Variants in RNLS observed in about 807,000 individuals in gnomAD.
RNLS encodes renalase.
RNLS carries 39 observed loss-of-function variants against 39.8 expected under a neutral mutation model. The observed-to-expected ratio is 0.98, with a 90% confidence interval of 0.76 to 1.28. The LOEUF (loss-of-function observed/expected upper bound fraction) is 1.28. RNLS is among the 50% of genes most tolerant of loss of function. The pLI is 0.00. For missense variants in RNLS, 410 were observed against 413.3 expected (o/e 0.99, Z 0.07); for synonymous variants, 147 against 150.7 (o/e 0.98, Z 0.18).
chr10:88,341,167 T>G (rs1294068210), intron 5 of RNLS, among the ~76,000 whole-genome samples: 1 of 150,458 alleles, frequency 6.6e-6, no homozygotes, highest in East Asian at 1.9e-4. Context: ...CTGCCTCTAC[T>G]AAAAATACAA....
At chr10:88,497,760 TA>T (rs1240028807) in intron 4 of RNLS, among the ~76,000 whole-genome samples, 1 of 151,882 alleles carries the variant, frequency 6.6e-6, no homozygotes. Context: ...CTTAAGCCAA[TA>T]AAAGTTCTGG....
intron 5 of RNLS, among the ~76,000 whole-genome samples, chr10:88,352,183 C>A (rs1192681014): frequency 6.6e-6 from 1 of 152,050 alleles, no homozygotes; most frequent in African/African-American, 2.4e-5. Flanking sequence ...TAATTGAATA[C>A]CCTTTATTTC....
the RNLS span, among the ~76,000 whole-genome samples, chr10:88,219,606 G>A: frequency 6.6e-6 from 1 of 152,042 alleles, no homozygotes; most frequent in East Asian, 1.9e-4. Context: ...CCCTCCCTTA[G>A]TCATATGGTT....
rs552931842 is a variant in RNLS, at chr10:88,464,478, C to G, written c.527-101753G>C. Among the ~76,000 whole-genome samples, 15 of 152,190 alleles carry G rather than the reference C, an allele frequency of 9.9e-5. No homozygotes were observed. In the East Asian group the frequency reaches 2.3e-3, roughly 23 times the overall value. ...CCAGAAAAATCACTTGGAAGCAGAG[C>G]ATACCTACATGAGCAAGTTGTACTA... On this transcript the variant is annotated intron_variant, in intron 4 of 6. Coordinates refer to ENST00000331772, the MANE Select transcript of RNLS (RefSeq NM_001031709.3).
the RNLS span, among the ~76,000 whole-genome samples, chr10:88,200,275 G>T: frequency 2.5e-4 from 38 of 152,306 alleles, no homozygotes; most frequent in South Asian, 4.1e-4. Context: ...ATGTGGTAAA[G>T]GTAGTAATAA....
At chr10:88,322,345 T>C (rs1191349101) in intron 5 of RNLS, among the ~76,000 whole-genome samples, 2 of 152,064 alleles carry the variant, frequency 1.3e-5, no homozygotes, top group Non-Finnish European at 2.9e-5. Context: ...TGGTGAAAAA[T>C]TGAAAGCATT....
chr10:88,583,278 G>A lies in RNLS; in HGVS notation c.-88C>T, dbSNP rs1042094311. On this transcript the variant is annotated 5_prime_UTR_variant, in exon 1 of 7. Coordinates refer to ENST00000331772, the MANE Select transcript of RNLS (RefSeq NM_001031709.3). Reference sequence around the variant, plus strand: ...TGGAAAGGCGGCCGAACCGGCGCTAGCGCTCTTTGGTTCCGTGCTCCCTGG... The same window carrying A: ...TGGAAAGGCGGCCGAACCGGCGCTAACGCTCTTTGGTTCCGTGCTCCCTGG... The A allele has an allele frequency of 1.9e-6, 3 of 1,563,380 alleles. No individual in the cohort carries two copies. The highest frequency in any genetic ancestry group is 1.4e-5 in the African/African-American group (1 of 73,856).
rs563941581 is a variant in RNLS at position 88,472,474 on chromosome 10, G to A, written c.526+100429C>T. ...AAGCAGCACGATAGGCATGAAAATG[G>A]AAGGGATCTGCCCAAACAAGACTTC... is the stretch of plus-strand genomic sequence containing the variant. On this transcript the variant is annotated intron_variant, in intron 4 of 6. Transcript: ENST00000331772. Among the ~76,000 whole-genome samples, 990 of 152,230 alleles carry A rather than the reference G, an allele frequency of 6.5e-3. 5 individuals carry two copies. The highest frequency in any genetic ancestry group is 9.5e-3 in the South Asian group (46 of 4,818).
At chr10:88,351,831 C>A (rs1417666872) in intron 5 of RNLS, among the ~76,000 whole-genome samples, 1 of 152,128 alleles carries the variant, frequency 6.6e-6, no homozygotes, top group Non-Finnish European at 1.5e-5. Flanking sequence ...TCTTCCTATC[C>A]ATAAGCATGG....
intron 4 of RNLS, among the ~76,000 whole-genome samples, chr10:88,530,264 C>T (rs1847339890): frequency 6.6e-6 from 1 of 152,164 alleles, no homozygotes; most frequent in African/African-American, 2.4e-5. Context: ...CAGAACTGCA[C>T]CTGGCACATA....
intron 4 of RNLS, among the ~76,000 whole-genome samples, chr10:88,441,862 C>T (rs1005594128): frequency 2.0e-5 from 3 of 152,148 alleles, no homozygotes; most frequent in African/African-American, 7.2e-5. Flanking sequence ...TAATGGGGTT[C>T]CTGAGGAGGG....
At chr10:88,342,754 G>A (rs1035666130) in intron 5 of RNLS, among the ~76,000 whole-genome samples, 1 of 152,172 alleles carries the variant, frequency 6.6e-6, no homozygotes, top group Admixed American at 6.5e-5. Flanking sequence ...TCTAGGTAGA[G>A]AACAGAATAG....
intron 4 of RNLS, among the ~76,000 whole-genome samples, chr10:88,451,779 T>C (rs138059364): frequency 6.6e-6 from 1 of 152,310 alleles, no homozygotes; most frequent in East Asian, 1.9e-4. Flanking sequence ...CCCTATTGCC[T>C]ATATGGCTTA....
the RNLS span, among the ~76,000 whole-genome samples, chr10:88,178,037 G>A: frequency 6.6e-6 from 1 of 152,318 alleles, no homozygotes; most frequent in Non-Finnish European, 1.5e-5. Context: ...TGGTCCCCAG[G>A]CAGGTGGTTC....
At chr10:88,255,503 G>C in the RNLS span, among the ~76,000 whole-genome samples, 6 of 152,284 alleles carry the variant, frequency 3.9e-5, no homozygotes, top group East Asian at 5.8e-4. Context: ...AGGGGTAGAG[G>C]GGTGATATGG....
intron 4 of RNLS, among the ~76,000 whole-genome samples, chr10:88,437,345 A>T (rs548940919): frequency 2.6e-5 from 4 of 152,350 alleles, no homozygotes; most frequent in African/African-American, 9.6e-5. Flanking sequence ...CCCCAAATAG[A>T]TGGGGCAGAA....
At chr10:88,421,195 A>C (rs1304254085) in intron 4 of RNLS, among the ~76,000 whole-genome samples, 1 of 152,120 alleles carries the variant, frequency 6.6e-6, no homozygotes, top group Non-Finnish European at 1.5e-5. Context: ...TTTCTTCATT[A>C]CTTGGTTTCA....
chr10:88,258,282 T>C, the RNLS span, among the ~76,000 whole-genome samples: 1 of 152,212 alleles, frequency 6.6e-6, no homozygotes, highest in Non-Finnish European at 1.5e-5. Flanking sequence ...CTTTTAGTCA[T>C]ATATTTCTCA....
At chr10:88,448,227 C>A (rs554577395) in intron 4 of RNLS, among the ~76,000 whole-genome samples, 1 of 152,284 alleles carries the variant, frequency 6.6e-6, no homozygotes, top group East Asian at 1.9e-4. Context: ...AGGCAACCTA[C>A]AGAATGGGAA....
Sources: gnomAD v4.1 joint callset for allele counts (sites outside exome capture counted in the v4.1 genomes callset) on GRCh38, gnomAD v4.1.1 for gene constraint, MANE v1.5 for transcripts, NCBI Gene and HGNC (gene_info 2026-07-23, HGNC 2026-07-21) for gene names.